The following ZNF343 variants were observed in gnomAD, a reference collection of about 807,000 sequenced individuals.
The protein encoded by ZNF343 is zinc finger protein 343.
ZNF343 carries 11 observed loss-of-function variants against 13.8 expected under a neutral mutation model. The observed-to-expected ratio is 0.80, with a 90% CI of 0.50 to 1.32. The LOEUF is 1.32. ZNF343 is among the 40% of genes most tolerant of loss of function. The pLI, the probability that ZNF343 is intolerant of heterozygous loss-of-function variation, is 0.00. For synonymous variants in ZNF343, 248 were observed against 260.0 expected (o/e 0.95, Z 0.44); for missense variants, 658 against 714.2 (o/e 0.92, Z 0.90).
chr20:2,516,477 G>A (rs1478066622), intron 1 of ZNF343, among the ~76,000 whole-genome samples: 1 of 152,092 alleles, frequency 6.6e-6, no homozygotes, highest in Non-Finnish European at 1.5e-5. Context: ...CAGAGTGAGA[G>A]CAAGTGCACA....
rs2085693753 is a variant in ZNF343, at chr20:2,508,049, A to C, written c.-237+832T>G. On this transcript the variant is annotated intron_variant, in intron 1 of 5. Transcript: ENST00000278772. This position sits in a 1 kb window ranked among gnomAD's most constrained non-coding sequence, Gnocchi z 4.5. ...CGACCAAACCCAGGAACTTTGCCAC[A>C]AAGCACAGGGGGCACCTCCCACATG... Among the ~76,000 whole-genome samples the C allele has an allele frequency of 6.6e-6, 1 of 151,976 alleles. No individual in the cohort carries two copies. Among genetic ancestry groups the C allele is most frequent in the African/African-American group, 2.4e-5 (1 of 41,326 alleles).
At chr20:2,510,093 C>T (rs2085729405), upstream of ZNF343, among the ~76,000 whole-genome samples, 1 of 152,208 alleles carries the variant, frequency 6.6e-6, no homozygotes, top group African/African-American at 2.4e-5. Context: ...TAACTGCCCG[C>T]TTGTCACAGA....
At chr20:2,504,199 T>G (rs1197152695) in intron 1 of ZNF343, among the ~76,000 whole-genome samples, 1 of 152,126 alleles carries the variant, frequency 6.6e-6, no homozygotes, top group Non-Finnish European at 1.5e-5. Flanking sequence ...GCAAATAAAC[T>G]AGAAAATCTA....
At chr20:2,496,778 GGAAGGATAAGACT>G (rs2085466430) in intron 2 of ZNF343, among the ~76,000 whole-genome samples, 1 of 152,238 alleles carries the variant, frequency 6.6e-6, no homozygotes, top group African/African-American at 2.4e-5. Context: ...TGGAGCAGTT[GGAAGGATAAGACT>G]TACCATCAGC....
At chr20:2,486,942 A>G (rs2085290596) in intron 5 of ZNF343, among the ~76,000 whole-genome samples, 1 of 152,210 alleles carries the variant, frequency 6.6e-6, no homozygotes, top group Non-Finnish European at 1.5e-5. Context: ...TTTGTAGGTG[A>G]CATGGTCTCT....
In ZNF343 at chr20:2,508,671, G is replaced by C. The variant is rs991253704; in HGVS notation, c.-237+210C>G. ...CCGGGGGGAAAAAAGGTCCGCGGAG[G>C]TCCGGGCAAGCAGGGGCTCACCCCA... On this transcript the variant is annotated intron_variant, in intron 1 of 5. Transcript: ENST00000278772. This position sits in a 1 kb window ranked among gnomAD's most constrained non-coding sequence, Gnocchi z 4.5. 6.6e-6 allele frequency: 1 copy of C among 152,310 alleles called. No individual in the cohort carries two copies. Among genetic ancestry groups the C allele is most frequent in the East Asian group, 1.9e-4 (1 of 5,178 alleles). The allele number at this position is 152,310 out of a possible 1,614,324, so 9.4% of individuals were successfully genotyped here. A position where few individuals can be genotyped will look rare whatever the true frequency, so the allele number is the denominator to read the frequency against.
chr20:2,499,767 G>A (rs887909822), intron 2 of ZNF343, among the ~76,000 whole-genome samples: 4 of 152,124 alleles, frequency 2.6e-5, no homozygotes, highest in South Asian at 2.1e-4. Context: ...ATGGAGACAC[G>A]GTCATTAACA....
At chr20:2,516,593 G>A (rs752889095) in intron 1 of ZNF343, among the ~76,000 whole-genome samples, 3 of 152,116 alleles carry the variant, frequency 2.0e-5, no homozygotes, top group Non-Finnish European at 4.4e-5. Flanking sequence ...GGTAGGGTCA[G>A]GACAACAGTG....
chr20:2,500,239 ACTT>A lies in ZNF343; in HGVS notation c.-150+414_-150+416del, dbSNP rs1454769591. On this transcript the variant is annotated intron_variant, in intron 2 of 5. Transcript: ENST00000278772. The stretch of plus-strand genomic sequence containing the variant: ...AAATTTCTTAACCTCTTAACATGCC[ACTT>A]CTTCTTCTATCAATTCAGAGTTTTG... Among the ~76,000 whole-genome samples the A allele has an allele frequency of 1.4e-4, 22 of 152,350 alleles. No homozygotes were observed. The East Asian group carries it at 2.1e-3, about 15-fold the overall frequency.
intron 5 of ZNF343, among the ~76,000 whole-genome samples, chr20:2,490,309 G>A (rs778480689): frequency 6.6e-5 from 10 of 152,006 alleles, no homozygotes; most frequent in African/African-American, 1.2e-4. Context: ...TGACTCCTAC[G>A]GACCCCTGCA....
chr20:2,495,412 T>G (rs1191456193), intron 2 of ZNF343: 1 of 152,232 alleles, frequency 6.6e-6, no homozygotes, highest in African/African-American at 2.4e-5. Context: ...CCTTGTAACT[T>G]GCCTTGGAAA....
At chr20:2,493,118 G>C (rs930767340) in intron 4 of ZNF343, 5 of 481,656 alleles carry the variant, frequency 1.0e-5, no homozygotes, top group African/African-American at 5.9e-5. Context: ...TTAAGACAGT[G>C]ACTTTGAGGA....
intron 2 of ZNF343, among the ~76,000 whole-genome samples, chr20:2,498,748 C>T (rs989920479): frequency 2.0e-5 from 3 of 152,182 alleles, no homozygotes; most frequent in African/African-American, 7.2e-5. Context: ...CTGAGATGGG[C>T]ACTATTATTT....
Position 2,483,514 on chromosome 20 carries a change from G to A in ZNF343, c.1447C>T (p.His483Tyr), listed in dbSNP as rs1600019806. The change falls in exon 6 of 6, where the codon CAC (histidine) becomes TAC (tyrosine). Residue 483 changes from histidine to tyrosine, a missense_variant. His to Tyr is a moderately conservative substitution (Grantham distance 83). Coordinates refer to ENST00000278772, the MANE Select transcript of ZNF343 (RefSeq NM_024325.6). ...GFSRKSLLLV[H>Y]QRTHSGEKHY... ...TTCTCCCCTGAGTGTGTCCTCTGGT[G>A]GACAAGGAGGAGTGATTTCCGACTA... The A allele has an allele frequency of 6.2e-7, 1 of 1,612,664 alleles. No individual in the cohort carries two copies. Among genetic ancestry groups the A allele is most frequent in the East Asian group, 2.2e-5 (1 of 44,822 alleles).
At chr20:2,487,413 G>T (rs972059362) in intron 5 of ZNF343, among the ~76,000 whole-genome samples, 2 of 152,144 alleles carry the variant, frequency 1.3e-5, no homozygotes, top group Admixed American at 1.3e-4. Context: ...AAGAAAAAAA[G>T]AAGAAACAGA....
At chr20:2,498,496 G>A (rs546014777) in intron 2 of ZNF343, among the ~76,000 whole-genome samples, 12 of 152,294 alleles carry the variant, frequency 7.9e-5, no homozygotes, top group Middle Eastern at 3.4e-3. Flanking sequence ...AACCACAGAG[G>A]AATAAAACAG....
intron 1 of ZNF343, among the ~76,000 whole-genome samples, chr20:2,522,244 A>T (rs2085785747): frequency 6.6e-6 from 1 of 152,240 alleles, no homozygotes; most frequent in Non-Finnish European, 1.5e-5. Flanking sequence ...AGTTAGGTTA[A>T]GGACATATTC....
At position 2,484,203 on chromosome 20, in the gene ZNF343, T is replaced by G. The variant is rs1208221778; in HGVS notation, c.758A>C (p.Glu253Ala). 6.2e-7 allele frequency: 1 copy of G among 1,614,240 alleles called. No homozygotes were observed. Among genetic ancestry groups the G allele is most frequent in the Non-Finnish European group, 8.5e-7 (1 of 1,180,040 alleles). Reference sequence around the variant, plus strand: ...CCTCGGGTTTGTAATAAAGTTTGATTCCAGGTTATGGTCCGGTTCATACTC... The same window carrying G: ...CCTCGGGTTTGTAATAAAGTTTGATGCCAGGTTATGGTCCGGTTCATACTC... The part of the protein sequence containing the change: ...CREYEPDHNL[E>A]SNFITNPRTL... Residue 253 changes from glutamate (E) to alanine (A), a missense_variant, in exon 6 of 6, where the codon GAA becomes GCA. Transcript: ENST00000278772.
upstream of ZNF343, among the ~76,000 whole-genome samples, chr20:2,510,696 G>T (rs899616419): frequency 3.3e-5 from 5 of 152,192 alleles, no homozygotes; most frequent in African/African-American, 7.2e-5. Context: ...AACACCAGGG[G>T]TTGGGTCTAG....
Sources: gnomAD v4.1 joint callset for allele counts (sites outside exome capture counted in the v4.1 genomes callset) on GRCh38, gnomAD v4.1.1 for gene constraint, Gnocchi (gnomAD v3.1) non-coding constraint, MANE v1.5 for transcripts, NCBI Gene and HGNC (gene_info 2026-07-23, HGNC 2026-07-21) for gene names.